Variants in RYR3 observed in about 807,000 individuals in gnomAD.
The protein encoded by RYR3 is brain ryanodine receptor-calcium release channel.
In RYR3, 207 loss-of-function variants were observed where a neutral mutation model predicts 584.3. The observed-to-expected ratio is 0.35, with a 90% CI of 0.32 to 0.40. The LOEUF (loss-of-function observed/expected upper bound fraction) is 0.40. RYR3 is among the 10% of genes least tolerant of loss of function. The pLI is 1.00. For synonymous variants in RYR3, 2,416 were observed against 2,248.5 expected (o/e 1.07, Z -2.11); for missense variants, 5,616 against 6,089.2 (o/e 0.92, Z 2.59).
chr15:33,576,574 A>G (rs2058311852), intron 12 of RYR3, among the ~76,000 whole-genome samples: 1 of 152,224 alleles, frequency 6.6e-6, no homozygotes, highest in South Asian at 2.1e-4. Flanking sequence ...ACATTTCTTC[A>G]CAGTTAAAAC....
intron 3 of RYR3, 114 bp downstream of exon 3, chr15:33,503,852 C>G (rs768591617): frequency 1.5e-6 from 1 of 656,544 alleles, no homozygotes; most frequent in Non-Finnish European, 2.8e-6. Context: ...TGAGATGATT[C>G]ATATGGAGAT....
At chr15:33,506,592 A>G (rs185770629) in intron 3 of RYR3, among the ~76,000 whole-genome samples, 11 of 152,300 alleles carry the variant, frequency 7.2e-5, no homozygotes, top group Non-Finnish European at 7.3e-5. Flanking sequence ...AAGAGACTTG[A>G]GAAGAGAGAT....
chr15:33,646,752 A>C (rs1339473796), intron 29 of RYR3, among the ~76,000 whole-genome samples: 2 of 152,250 alleles, frequency 1.3e-5, no homozygotes, highest in African/African-American at 4.8e-5. Flanking sequence ...AAACAGACAC[A>C]TCTGGTGGAA....
rs1326201937 is a variant in RYR3 at position 33,311,024 on chromosome 15, C to T, written c.-22C>T. ...GAAGCAGAGGCGCCGGAGGCTGGGG[C>T]ACCGCCGACGCCTCGGGAGCCATGG... is the stretch of plus-strand genomic sequence containing the variant. On this transcript the variant is annotated 5_prime_UTR_variant, in exon 1 of 104. Coordinates refer to ENST00000634891, the MANE Select transcript of RYR3 (RefSeq NM_001036.6). The surrounding 1 kb of genome is among the most constrained non-coding windows in gnomAD (Gnocchi z 4.4). 3.2e-6 allele frequency: 5 copies of T among 1,568,808 alleles called. No individual in the cohort carries two copies. The highest frequency in any genetic ancestry group is 2.5e-5 in the East Asian group (1 of 40,424).
chr15:33,863,843 T>G (rs117665499), intron 102 of RYR3, among the ~76,000 whole-genome samples: 2,247 of 152,314 alleles, frequency 0.015, 27 homozygotes, highest in South Asian at 0.046. Context: ...TTTATTAGAA[T>G]TTTGTTAACA....
intron 2 of RYR3, among the ~76,000 whole-genome samples, chr15:33,477,035 C>T (rs113044625): frequency 6.6e-5 from 10 of 152,274 alleles, no homozygotes; most frequent in South Asian, 4.1e-4. Context: ...AATTTCTCAA[C>T]GAGCTGTACC....
rs1227728716 is a variant in RYR3 at position 33,404,588 on chromosome 15, T to TG, written c.52-68830dup. Among the ~76,000 whole-genome samples the TG allele has an allele frequency of 3.3e-5, 4 of 119,848 alleles. No homozygotes were observed. In the East Asian group the frequency reaches 8.3e-4, roughly 25 times the overall value. The allele number at this position is 119,848 out of a possible 152,430, so 78.6% of individuals were successfully genotyped here. A position where few individuals can be genotyped will look rare whatever the true frequency, so the allele number is the denominator to read the frequency against. Reference sequence around the variant, plus strand: ...TGAGGAATTACTATTTACTACTGTGTGTTTTTTTTTTTTTTACTTGTAACT... The same window carrying TG: ...TGAGGAATTACTATTTACTACTGTGTGGTTTTTTTTTTTTTTACTTGTAACT... On this transcript the variant is annotated intron_variant, in intron 1 of 103. Transcript: ENST00000634891.
chr15:33,731,947 C>G (rs145682137), intron 48 of RYR3, among the ~76,000 whole-genome samples: 54 of 152,264 alleles, frequency 3.5e-4, no homozygotes, highest in African/African-American at 1.3e-3. Flanking sequence ...GTTGATGGAC[C>G]AGAAGACTAT....
chr15:33,707,491 C>T (rs1367699617), intron 43 of RYR3, among the ~76,000 whole-genome samples: 1 of 151,998 alleles, frequency 6.6e-6, no homozygotes, highest in Non-Finnish European at 1.5e-5. Context: ...TAAGTAAACT[C>T]CCAGGAGAAA....
chr15:33,848,704 G>A (rs147205840), intron 94 of RYR3, among the ~76,000 whole-genome samples: 1,778 of 152,100 alleles, frequency 0.012, 27 homozygotes, highest in African/African-American at 0.041. Flanking sequence ...TTCCATGTTC[G>A]AGTCACACAG....
At chr15:33,836,833 C>G in intron 87 of RYR3, 73 bp from the exon 88 acceptor site, 2 of 1,196,762 alleles carry the variant, frequency 1.7e-6, no homozygotes, top group Middle Eastern at 2.2e-4. Flanking sequence ...CCAGAGCAGG[C>G]TCTTCTCGCT....
At chr15:33,794,305 A>ATTTT (rs1567185370) in intron 67 of RYR3, among the ~76,000 whole-genome samples, 57 of 100,314 alleles carry the variant, frequency 5.7e-4, no homozygotes, top group Non-Finnish European at 1.0e-3. Flanking sequence ...TTATATATAT[A>ATTTT]TTTTTATATA....
At chr15:33,401,721 T>C (rs1309868358) in intron 1 of RYR3, among the ~76,000 whole-genome samples, 1 of 152,146 alleles carries the variant, frequency 6.6e-6, no homozygotes, top group East Asian at 1.9e-4. Context: ...AAAATGTGAG[T>C]GCTCAACCCC....
chr15:33,634,502 C>T, intron 24 of RYR3, 84 bp from the exon 25 acceptor site: 1 of 1,420,906 alleles, frequency 7.0e-7, no homozygotes, highest in South Asian at 1.2e-5. Context: ...AAAGCCAGGA[C>T]TGTTGCTGGG....
In RYR3 at chr15:33,724,073, G is replaced by A. The variant is rs6495228; in HGVS notation, c.6809G>A (p.Gly2270Glu). The change falls in exon 45 of 104, where the codon GGG (glycine) becomes GAG (glutamate). Residue 2270 changes from glycine (G) to glutamate (E), a missense_variant. Physicochemically the swap from Gly to Glu is moderately conservative, Grantham distance 98 (BLOSUM62 -2). Around this residue, in one of 9 missense-constraint regions of RYR3, gnomAD observed 1,280 missense variants for 1,426.2 expected, o/e 0.90. Transcript: ENST00000634891. Reference protein sequence around the residue: ...SQGYKREVSTGDDEEEEEIVH... With the variant: ...SQGYKREVSTEDDEEEEEIVH... ...TCTGTTGGTTCTCTCAGCAGCACGG[G>A]GGACGATGAAGAGGAAGAAGAAATC... is the stretch of plus-strand genomic sequence containing the variant. 1,372,465 of 1,598,904 alleles carry A rather than the reference G, an allele frequency of 0.86. 590,109 individuals are homozygous for A. The highest frequency in any genetic ancestry group is 0.98 in the East Asian group (44,071 of 44,794).
At chr15:33,800,152 G>A (rs748586075) in intron 67 of RYR3, among the ~76,000 whole-genome samples, 1 of 152,104 alleles carries the variant, frequency 6.6e-6, no homozygotes, top group Non-Finnish European at 1.5e-5. Context: ...CTTATTTGTA[G>A]GGAATCTTCA....
At chr15:33,621,827 C>T (rs1595866447) in intron 19 of RYR3, among the ~76,000 whole-genome samples, 1 of 152,116 alleles carries the variant, frequency 6.6e-6, no homozygotes, top group African/African-American at 2.4e-5. Flanking sequence ...AGGATATTTC[C>T]ACGATCACAA....
chr15:33,830,465 G>A (rs2077609378), intron 85 of RYR3, among the ~76,000 whole-genome samples: 1 of 152,152 alleles, frequency 6.6e-6, no homozygotes, highest in South Asian at 2.1e-4. Context: ...ACAGCATATT[G>A]TAAACATAAC....
At chr15:33,550,383 A>C (rs1447015117) in intron 10 of RYR3, 67 bp downstream of exon 10, 1 of 1,450,898 alleles carries the variant, frequency 6.9e-7, no homozygotes, top group Non-Finnish European at 9.3e-7. Flanking sequence ...TCCAGGCAGA[A>C]CTATAACTGG....
Sources: allele counts gnomAD v4.1 joint callset (sites outside exome capture counted in the v4.1 genomes callset), GRCh38; gene constraint gnomAD v4.1.1; regional missense constraint gnomAD v4.1.1; non-coding constraint Gnocchi (gnomAD v3.1); transcripts MANE v1.5; gene names NCBI Gene and HGNC (gene_info 2026-07-23, HGNC 2026-07-21).